The following PDZRN4 variants were observed in gnomAD, a reference collection of about 807,000 sequenced individuals.
PDZRN4 encodes PDZ domain-containing RING finger protein 4.
A neutral mutation model predicts 99.0 loss-of-function variants in PDZRN4; 70 were observed. The observed-to-expected ratio is 0.71, with a 90% CI of 0.58 to 0.86. The LOEUF (loss-of-function observed/expected upper bound fraction) is 0.86, where lower values mean the gene tolerates loss of function less well. PDZRN4 is among the 40% of genes least tolerant of loss of function. The pLI is 0.00. For synonymous variants in PDZRN4, 551 were observed against 501.6 expected, an observed-to-expected ratio of 1.10 and a Z score of -1.32; for missense variants, 1,474 against 1,331.2, an observed-to-expected ratio of 1.11 and a Z score of -1.67.
chr12:41,210,708 A>G (rs1950882566), intron 3 of PDZRN4, among the ~76,000 whole-genome samples: 1 of 152,052 alleles, frequency 6.6e-6, no homozygotes, highest in African/African-American at 2.4e-5. Flanking sequence ...TGAAAGCCAC[A>G]TATAAATCTG....
chr12:41,247,781 G>A (rs1345309638), intron 3 of PDZRN4, among the ~76,000 whole-genome samples: 2 of 152,062 alleles, frequency 1.3e-5, no homozygotes, highest in East Asian at 1.9e-4. Context: ...AAGAAAAATA[G>A]CATTTGTGCT....
chr12:41,364,728 G>A (rs1171569468), intron 3 of PDZRN4, among the ~76,000 whole-genome samples: 1 of 152,016 alleles, frequency 6.6e-6, no homozygotes, highest in Non-Finnish European at 1.5e-5. Context: ...GTCATCAGCT[G>A]GTCGACAGAC....
At chr12:41,221,265 G>T (rs1295613929) in intron 3 of PDZRN4, among the ~76,000 whole-genome samples, 2 of 152,162 alleles carry the variant, frequency 1.3e-5, no homozygotes, top group African/African-American at 2.4e-5. Flanking sequence ...TGAGATTTGA[G>T]GATTGTTTGT....
chr12:41,353,250 T>A (rs1951903858), intron 3 of PDZRN4, among the ~76,000 whole-genome samples: 1 of 152,084 alleles, frequency 6.6e-6, no homozygotes, highest in African/African-American at 2.4e-5. Context: ...TATTAGTTAA[T>A]CCTAGAATTC....
intron 3 of PDZRN4, among the ~76,000 whole-genome samples, chr12:41,286,336 C>CTTTTTTTTTTTTTTTTT (rs71081721): frequency 4.4e-3 from 463 of 106,106 alleles, no homozygotes; most frequent in Non-Finnish European, 4.9e-3. Context: ...CCTTCTTCTT[C>CTTTTTTTTTTTTTTTTT]TTTTTTTTTT....
At chr12:41,391,060 A>G (rs1403768988) in intron 3 of PDZRN4, among the ~76,000 whole-genome samples, 1 of 152,152 alleles carries the variant, frequency 6.6e-6, no homozygotes, top group African/African-American at 2.4e-5. Context: ...TTCCCCTCAG[A>G]AAGTCCCAAG....
intron 3 of PDZRN4, among the ~76,000 whole-genome samples, chr12:41,343,095 T>C (rs1248893342): frequency 2.6e-5 from 4 of 151,878 alleles, no homozygotes; most frequent in Non-Finnish European, 4.4e-5. Context: ...GCCTGGAGGA[T>C]ATAATGTTAA....
At chr12:41,239,694 AT>A (rs1951090587) in intron 3 of PDZRN4, among the ~76,000 whole-genome samples, 1 of 152,188 alleles carries the variant, frequency 6.6e-6, no homozygotes, top group South Asian at 2.1e-4. Flanking sequence ...ATCGGATTTT[AT>A]TTTACGAAGC....
At chr12:41,294,431 A>C (rs1424718768) in intron 3 of PDZRN4, among the ~76,000 whole-genome samples, 6 of 152,210 alleles carry the variant, frequency 3.9e-5, no homozygotes, top group African/African-American at 1.4e-4. Flanking sequence ...ATGAACTATA[A>C]ATGACAAGGT....
In PDZRN4 at chr12:41,300,573, T is replaced by C. The variant is rs186206190; in HGVS notation, c.843+106385T>C. Reference sequence around the variant, plus strand: ...GTAGGTTTTATTTTTTCCCTTGTGGTCATTATCTCTTCTTTGAGAAATGAC... The same window carrying C: ...GTAGGTTTTATTTTTTCCCTTGTGGCCATTATCTCTTCTTTGAGAAATGAC... On this transcript the variant is annotated intron_variant, in intron 3 of 9. Coordinates refer to ENST00000402685, the MANE Select transcript of PDZRN4 (RefSeq NM_001164595.2). Among the ~76,000 whole-genome samples the C allele has an allele frequency of 3.4e-4, 51 of 152,022 alleles. 1 individual carries two copies. Among genetic ancestry groups the C allele is most frequent in the African/African-American group, 9.9e-4 (41 of 41,534 alleles).
At chr12:41,557,148 CAAAAAA>C (rs112787721) in intron 7 of PDZRN4, among the ~76,000 whole-genome samples, 7 of 57,982 alleles carry the variant, frequency 1.2e-4, no homozygotes, top group Non-Finnish European at 3.2e-4. Context: ...GAGACACTCT[CAAAAAA>C]AAAAAAAAAA....
chr12:41,537,251 A>C (rs192203821), intron 5 of PDZRN4, among the ~76,000 whole-genome samples: 4 of 152,314 alleles, frequency 2.6e-5, no homozygotes, highest in African/African-American at 9.6e-5. Context: ...ATAAAAGAAG[A>C]CTGTGGTAAA....
At chr12:41,482,698 T>C (rs1937695469) in intron 3 of PDZRN4, among the ~76,000 whole-genome samples, 1 of 152,124 alleles carries the variant, frequency 6.6e-6, no homozygotes, top group African/African-American at 2.4e-5. Context: ...CTAAGATCAG[T>C]ATATTTTCTA....
chr12:41,442,971 C>T (rs75402081), intron 3 of PDZRN4, among the ~76,000 whole-genome samples: 2,583 of 152,204 alleles, frequency 0.017, 30 homozygotes, highest in Non-Finnish European at 0.028. Flanking sequence ...GTGTCTGTTC[C>T]TTAAAATCAG....
chr12:41,258,253 A>C (rs1023913398), intron 3 of PDZRN4, among the ~76,000 whole-genome samples: 17 of 152,198 alleles, frequency 1.1e-4, no homozygotes, highest in Non-Finnish European at 1.2e-4. Flanking sequence ...CTAGTATCCA[A>C]AGGAAAATAT....
intron 3 of PDZRN4, among the ~76,000 whole-genome samples, chr12:41,341,997 C>A (rs956455278): frequency 6.6e-6 from 1 of 151,826 alleles, no homozygotes; most frequent in African/African-American, 2.4e-5. Context: ...GTCATAAAAA[C>A]AAACATATAC....
chr12:41,484,859 T>A (rs1296188846), intron 3 of PDZRN4, among the ~76,000 whole-genome samples: 2 of 152,112 alleles, frequency 1.3e-5, no homozygotes, highest in Non-Finnish European at 2.9e-5. Context: ...CCAAAGAATA[T>A]CAGGTAGTAG....
intron 3 of PDZRN4, among the ~76,000 whole-genome samples, chr12:41,293,126 A>G (rs1203099442): frequency 2.0e-5 from 3 of 147,984 alleles, no homozygotes; most frequent in Admixed American, 6.7e-5. Flanking sequence ...TTTTATGGCC[A>G]GTTCTAAAAA....
chr12:41,306,097 T>A (rs1414995064), intron 3 of PDZRN4, among the ~76,000 whole-genome samples: 1 of 152,096 alleles, frequency 6.6e-6, no homozygotes, highest in African/African-American at 2.4e-5. Context: ...CAAGGCAAAT[T>A]CCATGAGATC....
Sources: gnomAD v4.1 joint callset for allele counts (sites outside exome capture counted in the v4.1 genomes callset) on GRCh38, gnomAD v4.1.1 for gene constraint, MANE v1.5 for transcripts, NCBI Gene and HGNC (gene_info 2026-07-23, HGNC 2026-07-21) for gene names.